Variants in RECQL4 observed in about 807,000 individuals in gnomAD.
RECQL4 encodes ATP-dependent DNA helicase Q4.
A neutral mutation model predicts 128.6 loss-of-function variants in RECQL4; 158 were observed. The observed-to-expected ratio is 1.23, with a 90% CI of 1.08 to 1.40. The LOEUF (loss-of-function observed/expected upper bound fraction) is 1.40, where lower values mean the gene tolerates loss of function less well. Ranked by LOEUF, RECQL4 falls within the 40% of genes most tolerant of loss-of-function variation. The pLI is 0.00. For synonymous variants in RECQL4, 996 were observed against 678.9 expected, an observed-to-expected ratio of 1.47 and a Z score of -7.26; for missense variants, 2,293 against 1,649.8, an observed-to-expected ratio of 1.39 and a Z score of -6.75.
intron 13 of RECQL4, 38 bp from the exon 14 acceptor site, chr8:144,513,518 C>T: frequency 6.2e-7 from 1 of 1,610,738 alleles, no homozygotes; most frequent in East Asian, 2.2e-5. Flanking sequence ...TGGGATGGGA[C>T]CATGTGTGCC....
In RECQL4 at chr8:144,517,758, C is replaced by CT. The variant is rs1815441006; in HGVS notation, c.26dup (p.Arg10AlafsTer127). On this transcript the variant is annotated frameshift_variant, in exon 1 of 21. Coordinates refer to ENST00000617875, the MANE Select transcript of RECQL4 (RefSeq NM_004260.4). LOFTEE classifies it high-confidence loss of function. ...ACGCGCGCTCCCACGCCTGCAGCCG[C>CT]TCCCGCACGTCCCGCAGCCGCTCCA... 3 of 1,313,816 alleles carry CT rather than the reference C, an allele frequency of 2.3e-6. No homozygotes were observed. The highest frequency in any genetic ancestry group is 2.9e-6 in the Non-Finnish European group (3 of 1,028,712). 81.4% of individuals were successfully genotyped at this position (1,313,816 alleles called of 1,614,324 possible). A position where few individuals can be genotyped will look rare whatever the true frequency, so the allele number is the denominator to read the frequency against.
Position 144,516,455 on chromosome 8 carries a change from G to A in RECQL4, c.664C>T (p.Pro222Ser), listed in dbSNP as rs758876038. 3 of 1,608,664 alleles carry A rather than the reference G, an allele frequency of 1.9e-6. No individual in the cohort carries two copies. The highest frequency in any genetic ancestry group is 2.2e-5 in the East Asian group (1 of 44,882). ...LGSEESQLLIPGESAVLGPGA... is the reference protein window; with the variant it reads ...LGSEESQLLISGESAVLGPGA... ...GGACCAAGGACAGCCGACTCACCAG[G>A]GATCAGAAGTTGTGATTCCTCTGAG... The change falls in exon 5 of 21, where the codon CCT becomes TCT. Residue 222 changes from proline to serine, a missense_variant. By Grantham distance (74) the Pro-to-Ser change is moderately conservative (BLOSUM62 -1). Transcript: ENST00000617875.
rs377593129 is a variant in RECQL4, at chr8:144,513,103, G to A, written c.2499C>T (p.His833=). 6.9e-5 allele frequency: 109 copies of A among 1,572,998 alleles called. No homozygotes were observed. The highest frequency in any genetic ancestry group is 8.5e-5 in the Non-Finnish European group (98 of 1,157,294). The stretch of plus-strand genomic sequence containing the variant: ...CAGCCAGGAAGTCCGTGCTGTCGGC[G>A]TGCACATGTCTGCGCAGCTCTCGCA... ...EDLRELRRHV[H]ADSTDFLAVK... Residue 833 remains histidine, a synonymous_variant, in exon 15 of 21, where the codon CAC becomes CAT. Coordinates refer to ENST00000617875, the MANE Select transcript of RECQL4 (RefSeq NM_004260.4).
rs2130721621 is a variant in RECQL4 at position 144,516,290 on chromosome 8, G to C, written c.829C>G (p.Gln277Glu). 1 of 1,610,888 alleles carries C rather than the reference G, an allele frequency of 6.2e-7. No individual in the cohort carries two copies. Among genetic ancestry groups the C allele is most frequent in the Non-Finnish European group, 8.5e-7 (1 of 1,179,156 alleles). The change falls in exon 5 of 21, where the codon CAG becomes GAG. Residue 277 changes from glutamine to glutamate, a missense_variant. Coordinates refer to ENST00000617875, the MANE Select transcript of RECQL4 (RefSeq NM_004260.4). ...EPWESPAQVQ[Q>E]ESSQAGPPSE... ...GGGGGTCCAGCTTGGCTGCTCTCCT[G>C]CTGGACCTGTGCGGGGCTCTCCCAG...
intron 9 of RECQL4, 128 bp from the exon 10 acceptor site, chr8:144,514,653 G>C: frequency 9.5e-7 from 1 of 1,056,826 alleles, no homozygotes; most frequent in Non-Finnish European, 1.3e-6. Flanking sequence ...CTGGGTCCTA[G>C]GGCTAAGGGT....
rs748651173 is a variant in RECQL4, at chr8:144,514,493, G to A, written c.1653C>T (p.Ala551=). ...TCCTGGTCATGCCCGAGTGTATGCA[G>A]GCCGCCTTGAGACACGGTGGCAGGC... The part of the protein sequence containing the change: ...VSGLPPCLKA[A]CIHSGMTRKQ... Residue 551 remains alanine (A), a synonymous_variant, in exon 10 of 21, where the codon GCC becomes GCT. Transcript: ENST00000617875. 8.7e-6 allele frequency: 14 copies of A among 1,612,282 alleles called. No individual in the cohort carries two copies. In the Admixed American group the frequency reaches 1.5e-4, roughly 17 times the overall value.
At chr8:144,514,639 G>A (rs1827883507) in intron 9 of RECQL4, 114 bp from the exon 10 acceptor site, 2 of 1,137,928 alleles carry the variant, frequency 1.8e-6, no homozygotes, top group African/African-American at 1.6e-5. Flanking sequence ...AGGAGAACCA[G>A]GTCCTGGGTC....
At chr8:144,514,555 C>G in intron 9 of RECQL4, 30 bp from the exon 10 acceptor site, 1 of 1,597,952 alleles carries the variant, frequency 6.3e-7, no homozygotes, top group Admixed American at 1.7e-5. Context: ...AGCCGTCATA[C>G]GCCAGCCCAG....
rs190061994 is a variant in RECQL4 at position 144,513,420 on chromosome 8, C to T, written c.2261G>A (p.Arg754Gln). 1.0e-4 allele frequency: 162 copies of T among 1,609,430 alleles called. No homozygotes were observed. The highest frequency in any genetic ancestry group is 9.9e-4 in the Middle Eastern group (6 of 6,060). Residue 754 changes from arginine to glutamine, a missense_variant, in exon 14 of 21, where the codon CGG (arginine) becomes CAG (glutamine). Arg to Gln is a conservative substitution (Grantham distance 43). Coordinates refer to ENST00000617875, the MANE Select transcript of RECQL4 (RefSeq NM_004260.4). ...YHAGMCSRER[R>Q]RVQRAFMQGQ... ...CTGCATGAAGGCTCGCTGTACCCGC[C>T]GCCGTTCCCGGCTGCACATGCCCGC...
In RECQL4 at chr8:144,515,084, G is replaced by A. The variant is rs775255999; in HGVS notation, c.1484-12C>T. ...CAGCGTGGAGATGCCTGGATGGGGC[G>A]GGAGTCAGCAGCAGGGTTCTGCAGC... On this transcript the variant is annotated splice_polypyrimidine_tract_variant and intron_variant, in intron 8 of 20. Coordinates refer to ENST00000617875, the MANE Select transcript of RECQL4 (RefSeq NM_004260.4). 57 of 1,599,726 alleles carry A rather than the reference G, an allele frequency of 3.6e-5. No homozygotes were observed. The highest frequency in any genetic ancestry group is 1.4e-4 in the East Asian group (6 of 44,154).
rs35198096 is a variant in RECQL4, at chr8:144,517,466, T to C, written c.161A>G (p.Gln54Arg). The change falls in exon 3 of 21, where the codon CAG becomes CGG. Residue 54 changes from glutamine to arginine, a missense_variant. By Grantham distance (43) the Gln-to-Arg change is conservative. Transcript: ENST00000617875. ...EYRTLKRTTG[Q>R]AGGGLRSSES... ...GGAGCTGCGGAGCCCGCCGCCGGCC[T>C]GGCCCGTGGTACGCTTCAGAGTGCG... 6,173 of 1,596,194 alleles carry C rather than the reference T, an allele frequency of 3.9e-3. 43 individuals are homozygous for C. The highest frequency in any genetic ancestry group is 0.028 in the African/African-American group (2,065 of 74,816).
In RECQL4 at chr8:144,511,924, G is replaced by A. The variant is rs1827286027; in HGVS notation, c.3380C>T (p.Pro1127Leu). 4.3e-6 allele frequency: 7 copies of A among 1,611,038 alleles called. No individual in the cohort carries two copies. The Middle Eastern group carries it at 5.0e-4, about 114-fold the overall frequency. Residue 1127 changes from proline to leucine, a missense_variant, in exon 19 of 21, where the codon CCA becomes CTA. By Grantham distance (98) the Pro-to-Leu change is moderately conservative. Transcript: ENST00000617875. ...GGMEDAQGPE[P>L]GQARLQDWED... ...TACTGCACTCACTCTGGCCTGCCCT[G>A]GCTCGGGGCCCTGTGCGTCCTCCAT... is the stretch of plus-strand genomic sequence containing the variant.
chr8:144,514,313 A>G lies in RECQL4; in HGVS notation c.1754T>C (p.Val585Ala), dbSNP rs927576418. The G allele has an allele frequency of 6.2e-7, 1 of 1,609,424 alleles. No individual in the cohort carries two copies. Among genetic ancestry groups the G allele is most frequent in the South Asian group, 1.1e-5 (1 of 90,956 alleles). Residue 585 changes from valine to alanine, a missense_variant, in exon 11 of 21, where the codon GTG (valine) becomes GCG (alanine). By Grantham distance (64) the Val-to-Ala change is moderately conservative. Coordinates refer to ENST00000617875, the MANE Select transcript of RECQL4 (RefSeq NM_004260.4). ...HVLMLTPEAL[V>A]GAGGLPPAAQ... ...GGCTGGAGGGAGGCCTCCCGCCCCC[A>G]CCAGTGCCTCAGGTGTCAGCATCAG...
At position 144,512,016 on chromosome 8, in the gene RECQL4, G is replaced by GCGCT. The variant is rs1827314465; in HGVS notation, c.3284_3287dup (p.Ser1097AlafsTer14). 3 of 1,609,098 alleles carry GCGCT rather than the reference G, an allele frequency of 1.9e-6. No individual in the cohort carries two copies. Among genetic ancestry groups the GCGCT allele is most frequent in the Non-Finnish European group, 2.5e-6 (3 of 1,178,918 alleles). ...CGAGCAGGTCCTTGAGCCTGGTGCT[G>GCGCT]CGCTCCTCATCCTGCTGCTCCAGGC... On this transcript the variant is annotated frameshift_variant, in exon 19 of 21. Coordinates refer to ENST00000617875, the MANE Select transcript of RECQL4 (RefSeq NM_004260.4). LOFTEE classifies it high-confidence loss of function.
rs1586836438 is a variant in RECQL4 at position 144,517,814 on chromosome 8, T to C, written c.-30A>G. 9.2e-6 allele frequency: 11 copies of C among 1,196,520 alleles called. No homozygotes were observed. Among genetic ancestry groups the C allele is most frequent in the Admixed American group, 4.3e-5 (1 of 23,306 alleles). The allele number at this position is 1,196,520 out of a possible 1,614,324, so 74.1% of individuals were successfully genotyped here. ...CGCGCGCCCGCCCGGCCTCCGCGCT[T>C]GCGATCGTCCAGCGAATCTCCCGCG... On this transcript the variant is annotated 5_prime_UTR_variant, in exon 1 of 21. Transcript: ENST00000617875.
Position 144,515,433 on chromosome 8 carries a change from A to G in RECQL4, c.1283T>C (p.Val428Ala), listed in dbSNP as rs1265544300. 2.5e-6 allele frequency: 4 copies of G among 1,612,686 alleles called. No homozygotes were observed. In the African/African-American group the frequency reaches 5.3e-5, roughly 22 times the overall value. Residue 428 changes from valine (V) to alanine (A), a missense_variant, in exon 7 of 21, where the codon GTT (valine) becomes GCT (alanine). Transcript: ENST00000617875. ...TGAAGGAACCAGTGGCTCAGGCCCA[A>G]CAGCATCTGTGTCTTCCTCACTTGC... is the stretch of plus-strand genomic sequence containing the variant. ...RPASEEDTDAVGPEPLVPSPQ... is the reference protein window; with the variant it reads ...RPASEEDTDAAGPEPLVPSPQ...
chr8:144,516,807 T>C, intron 4 of RECQL4, 43 bp from the exon 5 acceptor site: 1 of 1,503,270 alleles, frequency 6.7e-7, no homozygotes, highest in Non-Finnish European at 8.9e-7. Context: ...CTCAGGCCCC[T>C]GAGCTACTGT....
At position 144,517,129 on chromosome 8, in the gene RECQL4, G is replaced by C. The variant is rs200516441; in HGVS notation, c.275C>G (p.Ser92Cys). 1.2e-6 allele frequency: 2 copies of C among 1,612,184 alleles called. No individual in the cohort carries two copies. The highest frequency in any genetic ancestry group is 1.7e-6 in the Non-Finnish European group (2 of 1,179,710). The change falls in exon 4 of 21, where the codon TCT (serine) becomes TGT (cysteine). Residue 92 changes from serine to cysteine, a missense_variant. Physicochemically the swap from Ser to Cys is moderately radical, Grantham distance 112 (BLOSUM62 -1). Transcript: ENST00000617875. The part of the protein sequence containing the change: ...LNRAATKSPQ[S>C]TPGRSRQGSV... ...GCCCTGGCGGCTCCGCCCTGGCGTA[G>C]ACTGTGGACTCTTGGTCGCAGCCCG...
At position 144,516,106 on chromosome 8, in the gene RECQL4, G is replaced by A. The variant is rs1554902388; in HGVS notation, c.1013C>T (p.Pro338Leu). The change falls in exon 5 of 21, where the codon CCC becomes CTC. Residue 338 changes from proline to leucine, a missense_variant. Physicochemically the swap from Pro to Leu is moderately conservative, Grantham distance 98. Transcript: ENST00000617875. The stretch of plus-strand genomic sequence containing the variant: ...GGCCAGCCGAGGGAAGATGTGCAGG[G>A]GGGCTGTGCCCTCAGCCTTCCCAGC... The part of the protein sequence containing the change: ...ARAGKAEGTA[P>L]LHIFPRLARH... 1.2e-6 allele frequency: 2 copies of A among 1,612,874 alleles called. No individual in the cohort carries two copies. The highest frequency in any genetic ancestry group is 1.1e-5 in the South Asian group (1 of 91,086).
Sources: allele counts gnomAD v4.1 joint callset, GRCh38; gene constraint gnomAD v4.1.1; transcripts MANE v1.5; gene names NCBI Gene and HGNC (gene_info 2026-07-23, HGNC 2026-07-21).